The following MFHAS1 variants were observed in gnomAD, a reference collection of about 807,000 sequenced individuals.
MFHAS1 encodes malignant fibrous histiocytoma-amplified sequence 1.
A neutral mutation model predicts 70.4 loss-of-function variants in MFHAS1; 50 were observed. The ratio of observed to expected loss-of-function variants is 0.71; its 90% CI spans 0.57 to 0.90. MFHAS1 has a LOEUF of 0.90. Ranked by LOEUF, MFHAS1 falls within the 40% of genes least tolerant of loss-of-function variation. The pLI, the probability that MFHAS1 is intolerant of heterozygous loss-of-function variation, is 0.00. For missense variants in MFHAS1, 1,795 were observed against 1,347.6 expected, an observed-to-expected ratio of 1.33 and a Z score of -5.20; for synonymous variants, 952 against 620.0, an observed-to-expected ratio of 1.54 and a Z score of -7.96.
chr8:8,797,366 T>A lies in MFHAS1; in HGVS notation c.3124A>T (p.Lys1042Ter). The A allele has an allele frequency of 1.2e-6, 2 of 1,613,800 alleles. No homozygotes were observed. ...GCCAGAGGGACTTTGAGAACTCACT[T>A]GGAACAGGGGCTGATCACAGTCGGC... is the stretch of plus-strand genomic sequence containing the variant. ...PTPTVISPCS[K>*]KNVGEKHRNQ is the part of the protein sequence containing the mutation. The change falls in exon 2 of 3, where the codon AAG becomes TAG. Residue 1042 changes from lysine to a stop codon, truncating the protein, a stop_gained and splice_region_variant. Coordinates refer to ENST00000276282, the MANE Select transcript of MFHAS1 (RefSeq NM_004225.3). LOFTEE classifies it high-confidence loss of function.
At chr8:8,841,635 T>C (rs1273718955) in intron 1 of MFHAS1, among the ~76,000 whole-genome samples, 1 of 152,016 alleles carries the variant, frequency 6.6e-6, no homozygotes, top group East Asian at 1.9e-4. Flanking sequence ...AAAATGGCAA[T>C]GGTAAGGCCA....
intron 1 of MFHAS1, among the ~76,000 whole-genome samples, chr8:8,882,869 C>G (rs1388876715): frequency 3.9e-5 from 6 of 152,118 alleles, no homozygotes; most frequent in Non-Finnish European, 7.4e-5. Context: ...AAAGCTGAAC[C>G]AGGCTGGGTG....
rs566119650 is a variant in MFHAS1 at position 8,817,893 on chromosome 8, G to A, written c.2999-20402C>T. 2.6e-5 allele frequency among the ~76,000 whole-genome samples: 4 copies of A among 152,254 alleles called. No homozygotes were observed. The South Asian group carries it at 8.3e-4, about 32-fold the overall frequency. On this transcript the variant is annotated intron_variant, in intron 1 of 2. Coordinates refer to ENST00000276282, the MANE Select transcript of MFHAS1 (RefSeq NM_004225.3). ...CTCAGGCAGAAATGTGAGCTACGGG[G>A]AGCAGCTATAAACACAGATGAAACT...
At chr8:8,872,921 G>C (rs1020908579) in intron 1 of MFHAS1, among the ~76,000 whole-genome samples, 4 of 152,210 alleles carry the variant, frequency 2.6e-5, no homozygotes, top group Non-Finnish European at 5.9e-5. Flanking sequence ...CTCCATCCCA[G>C]ACAGGCAGCA....
chr8:8,890,233 G>C lies in MFHAS1; in HGVS notation c.2826C>G (p.Ser942=). The change falls in exon 1 of 3, where the codon TCC becomes TCG. Residue 942 remains serine (S), a synonymous_variant. Coordinates refer to ENST00000276282, the MANE Select transcript of MFHAS1 (RefSeq NM_004225.3). The part of the protein sequence containing the change: ...ARGVLQPDTL[S]IASHASLPNI... ...TTGGTAATGATGCATGGCTAGCAAT[G>C]GACAGGGTGTCTGGCTGCAGGACTC... 6.2e-7 allele frequency: 1 copy of C among 1,614,158 alleles called. No homozygotes were observed. The highest frequency in any genetic ancestry group is 2.2e-5 in the East Asian group (1 of 44,886).
At position 8,787,741 on chromosome 8, in the gene MFHAS1, G is replaced by A. The variant is rs73200026; in HGVS notation, c.3126-1686C>T. On this transcript the variant is annotated intron_variant, in intron 2 of 2. Coordinates refer to ENST00000276282, the MANE Select transcript of MFHAS1 (RefSeq NM_004225.3). ...TGAGTTTTGGGTTCACGTGGGAGAT[G>A]TGTTACATAAACATTTTCCCACTGA... is the stretch of plus-strand genomic sequence containing the variant. 6.5e-3 allele frequency among the ~76,000 whole-genome samples: 990 copies of A among 152,308 alleles called. 9 individuals are homozygous for A. Among genetic ancestry groups the A allele is most frequent in the Non-Finnish European group, 0.011 (763 of 68,018 alleles).
intron 1 of MFHAS1, among the ~76,000 whole-genome samples, chr8:8,882,697 C>T (rs1049609617): frequency 2.6e-5 from 4 of 152,226 alleles, no homozygotes; most frequent in Non-Finnish European, 5.9e-5. Context: ...ACCTGATCTG[C>T]CCTGTGCCAG....
chr8:8,839,198 G>A (rs1807713087), intron 1 of MFHAS1, among the ~76,000 whole-genome samples: 1 of 151,808 alleles, frequency 6.6e-6, no homozygotes, highest in African/African-American at 2.4e-5. Flanking sequence ...AAAAAAATAA[G>A]GACTATAAAA....
chr8:8,891,510 C>A lies in MFHAS1; in HGVS notation c.1549G>T (p.Gly517Cys). 2 of 1,613,102 alleles carry A rather than the reference C, an allele frequency of 1.2e-6. No homozygotes were observed. Among genetic ancestry groups the A allele is most frequent in the African/African-American group, 1.3e-5 (1 of 75,064 alleles). Residue 517 changes from glycine (G) to cysteine (C), a missense_variant, in exon 1 of 3, where the codon GGC becomes TGC. Transcript: ENST00000276282. This position sits in a 1 kb window ranked among gnomAD's most constrained non-coding sequence, Gnocchi z 5.4. ...GCCCCGACCCGATGCAAGAAGGAGC[C>A]CACGGTGGTAGGAAAGTGGCGAGGC... is the stretch of plus-strand genomic sequence containing the variant. ...YEPRHFPTTV[G>C]SFLHRVGARV...
intron 1 of MFHAS1, among the ~76,000 whole-genome samples, chr8:8,841,728 C>A (rs937952829): frequency 6.6e-6 from 1 of 152,188 alleles, no homozygotes; most frequent in Non-Finnish European, 1.5e-5. Context: ...CTCTTCCCTG[C>A]TCCACGAAGC....
At chr8:8,847,288 T>C (rs184761259) in intron 1 of MFHAS1, among the ~76,000 whole-genome samples, 1 of 152,296 alleles carries the variant, frequency 6.6e-6, no homozygotes, top group East Asian at 1.9e-4. Flanking sequence ...TTGAAGTGAT[T>C]CTCCTGCCTC....
At position 8,785,938 on chromosome 8, in the gene MFHAS1, G is replaced by A. The variant is rs1216561050; in HGVS notation, c.*84C>T. On this transcript the variant is annotated 3_prime_UTR_variant, in exon 3 of 3. Transcript: ENST00000276282. ...AAGTTCACAGAACACGCTGGGGTGA[G>A]TGCAGAGGGTCTGCCAGGTGCAAAA... The A allele has an allele frequency of 2.1e-6, 3 of 1,412,782 alleles. No individual in the cohort carries two copies. The East Asian group carries it at 6.9e-5, about 32-fold the overall frequency. 87.5% of individuals were successfully genotyped at this position (1,412,782 alleles called of 1,614,324 possible).
intron 1 of MFHAS1, among the ~76,000 whole-genome samples, chr8:8,848,937 T>C (rs940795637): frequency 2.6e-5 from 4 of 152,146 alleles, no homozygotes; most frequent in Non-Finnish European, 5.9e-5. Context: ...TACTTCTGAA[T>C]TCAAAACACT....
intron 1 of MFHAS1, among the ~76,000 whole-genome samples, chr8:8,875,694 G>A (rs1307892594): frequency 1.3e-5 from 2 of 152,082 alleles, no homozygotes; most frequent in South Asian, 2.1e-4. Context: ...GGGTTCAAGC[G>A]ATTCTCCTGC....
chr8:8,881,961 T>C (rs1051474128), intron 1 of MFHAS1, among the ~76,000 whole-genome samples: 3 of 152,114 alleles, frequency 2.0e-5, no homozygotes, highest in Non-Finnish European at 4.4e-5. Context: ...TGCTGCTAAG[T>C]GCCCCTTGCC....
intron 1 of MFHAS1, among the ~76,000 whole-genome samples, chr8:8,884,086 A>AG (rs1563220143): frequency 4.6e-5 from 7 of 150,858 alleles, no homozygotes; most frequent in East Asian, 1.9e-4. Flanking sequence ...ACACACAAAA[A>AG]GAAAAAAAAA....
chr8:8,842,117 G>A (rs1227772459), intron 1 of MFHAS1, among the ~76,000 whole-genome samples: 1 of 152,150 alleles, frequency 6.6e-6, no homozygotes, highest in Non-Finnish European at 1.5e-5. Context: ...TTCAAGGGAA[G>A]TCCTGAAAGA....
chr8:8,799,090 C>G (rs1806000208), intron 1 of MFHAS1, among the ~76,000 whole-genome samples: 1 of 151,868 alleles, frequency 6.6e-6, no homozygotes, highest in Non-Finnish European at 1.5e-5. Context: ...TCTAGAGACT[C>G]CAAAGAAGAG....
chr8:8,796,979 G>C (rs953759813), intron 2 of MFHAS1, among the ~76,000 whole-genome samples: 1 of 152,138 alleles, frequency 6.6e-6, no homozygotes, highest in Non-Finnish European at 1.5e-5. Flanking sequence ...CTGGGTGACA[G>C]AGCGAGACTC....
Sources: allele counts gnomAD v4.1 joint callset (sites outside exome capture counted in the v4.1 genomes callset), GRCh38; gene constraint gnomAD v4.1.1; non-coding constraint Gnocchi (gnomAD v3.1); transcripts MANE v1.5; gene names NCBI Gene and HGNC (gene_info 2026-07-23, HGNC 2026-07-21).